Variants in AOPEP observed in about 807,000 individuals in gnomAD.
The protein encoded by AOPEP is aminopeptidase O.
Under a neutral mutation model 98.1 loss-of-function variants are expected in AOPEP, and 77 were observed. The observed-to-expected ratio is 0.78, with a 90% CI of 0.65 to 0.95. The LOEUF is 0.95. Among genes scored for constraint, AOPEP ranks in the 40% least tolerant of loss-of-function variants. AOPEP has a pLI of 0.00. For missense variants in AOPEP, 1,024 were observed against 1,024.7 expected, an observed-to-expected ratio of 1.00 and a Z score of 0.01; for synonymous variants, 346 against 365.3, an observed-to-expected ratio of 0.95 and a Z score of 0.60.
chr9:95,149,106 T>C, the AOPEP span, among the ~76,000 whole-genome samples: 25 of 152,200 alleles, frequency 1.6e-4, no homozygotes, highest in African/African-American at 6.0e-4. Context: ...GAGCATTGCT[T>C]TTCATAAAAA....
At chr9:94,764,995 C>A (rs1410313653) in intron 2 of AOPEP, among the ~76,000 whole-genome samples, 2 of 152,146 alleles carry the variant, frequency 1.3e-5, no homozygotes, top group Admixed American at 1.3e-4. Flanking sequence ...GCTGTTTTCT[C>A]ACTTTACCAT....
intron 5 of AOPEP, among the ~76,000 whole-genome samples, chr9:94,830,277 G>A (rs1488300734): frequency 1.3e-5 from 2 of 152,206 alleles, no homozygotes; most frequent in Non-Finnish European, 2.9e-5. Context: ...TCACTTATAA[G>A]TGAGAACATG....
At position 94,760,050 on chromosome 9, in the gene AOPEP, C is replaced by T. The variant is rs1837904733; in HGVS notation, c.267C>T (p.Thr89=). Residue 89 remains threonine (T), a synonymous_variant, in exon 2 of 17, where the codon ACC becomes ACT. Coordinates refer to ENST00000375315, the MANE Select transcript of AOPEP (RefSeq NM_001193329.3). ...ATATTCCCGTGACAAATGCAAGGAC[C>T]TTCTCATCTGAAATGGAATATAATG... The part of the protein sequence containing the change: ...PCHIPVTNAR[T]FSSEMEYNDF... 2 of 1,614,028 alleles carry T rather than the reference C, an allele frequency of 1.2e-6. No homozygotes were observed. The highest frequency in any genetic ancestry group is 1.7e-5 in the Admixed American group (1 of 60,006).
intron 5 of AOPEP, among the ~76,000 whole-genome samples, chr9:94,808,424 C>A (rs1045699234): frequency 4.6e-5 from 7 of 152,130 alleles, no homozygotes; most frequent in African/African-American, 1.4e-4. Flanking sequence ...AAATGGATTA[C>A]TTTTTTTTAA....
At chr9:94,809,377 C>T (rs898056711) in intron 5 of AOPEP, among the ~76,000 whole-genome samples, 1 of 152,180 alleles carries the variant, frequency 6.6e-6, no homozygotes, top group African/African-American at 2.4e-5. Context: ...ACTGTTGTGT[C>T]GAGGGAGCCC....
At chr9:95,069,766 GTGTGA>G (rs1290792064) in intron 14 of AOPEP, among the ~76,000 whole-genome samples, 1 of 152,236 alleles carries the variant, frequency 6.6e-6, no homozygotes, top group Middle Eastern at 3.2e-3. Context: ...TGCATGTCGA[GTGTGA>G]TGGCCCTGGT....
At chr9:95,092,463 C>T in the AOPEP span, among the ~76,000 whole-genome samples, 1 of 152,202 alleles carries the variant, frequency 6.6e-6, no homozygotes, top group Admixed American at 6.5e-5. Context: ...AGAGGAGTGC[C>T]CAGCTCTGAT....
chr9:95,052,209 G>A (rs959642509), intron 13 of AOPEP, among the ~76,000 whole-genome samples: 3 of 152,090 alleles, frequency 2.0e-5, no homozygotes, highest in African/African-American at 4.8e-5. Context: ...GCATTAAGTC[G>A]TTTATTTCAA....
intron 13 of AOPEP, among the ~76,000 whole-genome samples, chr9:95,058,121 A>G (rs2133886434): frequency 1.3e-5 from 2 of 152,374 alleles, no homozygotes; most frequent in East Asian, 3.8e-4. Context: ...TCAGCTTAAA[A>G]GAAAACTCAG....
chr9:95,023,305 G>A (rs2063601603), intron 13 of AOPEP, among the ~76,000 whole-genome samples: 2 of 152,208 alleles, frequency 1.3e-5, no homozygotes, highest in South Asian at 2.1e-4. Flanking sequence ...GACGATGAGG[G>A]CACGTTTGGA....
At chr9:94,902,688 A>G (rs1345811244) in intron 5 of AOPEP, among the ~76,000 whole-genome samples, 1 of 152,028 alleles carries the variant, frequency 6.6e-6, no homozygotes, top group Non-Finnish European at 1.5e-5. Flanking sequence ...GTGTGTGTGT[A>G]CTTGTGGGTG....
the AOPEP span, chr9:95,111,382 C>T: frequency 2.5e-6 from 4 of 1,597,262 alleles, no homozygotes; most frequent in Non-Finnish European, 3.4e-6. Context: ...AAGCCAAGCC[C>T]ACAACAGAGC....
At chr9:94,842,100 A>T (rs867423097) in intron 5 of AOPEP, among the ~76,000 whole-genome samples, 17 of 151,792 alleles carry the variant, frequency 1.1e-4, no homozygotes, top group Non-Finnish European at 2.2e-4. Flanking sequence ...GGTGTCTCAC[A>T]CCTGTAATCC....
intron 9 of AOPEP, among the ~76,000 whole-genome samples, chr9:94,965,157 C>T (rs1409757114): frequency 2.0e-5 from 3 of 152,322 alleles, no homozygotes; most frequent in Admixed American, 6.5e-5. Flanking sequence ...AAATACTGCT[C>T]GTTTCCTTTG....
At chr9:94,991,306 C>A (rs1017725970) in intron 11 of AOPEP, among the ~76,000 whole-genome samples, 2 of 152,196 alleles carry the variant, frequency 1.3e-5, no homozygotes, top group Non-Finnish European at 2.9e-5. Flanking sequence ...CATGGTATTT[C>A]TCCTGTGTGG....
At chr9:95,090,226 G>T (rs1587995492), downstream of AOPEP, among the ~76,000 whole-genome samples, 1 of 152,340 alleles carries the variant, frequency 6.6e-6, no homozygotes, top group East Asian at 1.9e-4. Context: ...AACTGGGTTT[G>T]CCAGGTTTAA....
intron 13 of AOPEP, among the ~76,000 whole-genome samples, chr9:95,008,630 ATAAAG>A (rs988407812): frequency 2.6e-5 from 4 of 152,186 alleles, no homozygotes; most frequent in Non-Finnish European, 5.9e-5. Context: ...GAATAGTGAA[ATAAAG>A]TAAATTGGGG....
rs1466719164 is a variant in AOPEP at position 94,972,958 on chromosome 9, T to G, written c.1916+5157T>G. Among the ~76,000 whole-genome samples, 1 of 150,966 alleles carries G rather than the reference T, an allele frequency of 6.6e-6. No homozygotes were observed. Among genetic ancestry groups the G allele is most frequent in the Non-Finnish European group, 1.5e-5 (1 of 67,754 alleles). ...TGTCTCAAAAAAAAAAGGAAGAAAA[T>G]AAGTAACTCTGCACAGCTTTGAGAT... is the stretch of plus-strand genomic sequence containing the variant. On this transcript the variant is annotated intron_variant, in intron 10 of 16. Coordinates refer to ENST00000375315, the MANE Select transcript of AOPEP (RefSeq NM_001193329.3). This position sits in a 1 kb window ranked among gnomAD's most constrained non-coding sequence, Gnocchi z 4.2.
chr9:94,727,470 A>C (rs1047749330), intron 1 of AOPEP, among the ~76,000 whole-genome samples: 1 of 152,186 alleles, frequency 6.6e-6, no homozygotes, highest in Non-Finnish European at 1.5e-5. Context: ...TACCCTTGCA[A>C]AGGTAGCCCT....
Sources: allele counts gnomAD v4.1 joint callset (sites outside exome capture counted in the v4.1 genomes callset), GRCh38; gene constraint gnomAD v4.1.1; non-coding constraint Gnocchi (gnomAD v3.1); transcripts MANE v1.5; gene names NCBI Gene and HGNC (gene_info 2026-07-23, HGNC 2026-07-21).